The following MORN1 variants were observed in gnomAD, a reference collection of about 807,000 sequenced individuals.
The protein encoded by MORN1 is MORN repeat-containing protein 1.
A neutral mutation model predicts 61.9 loss-of-function variants in MORN1; 67 were observed. That is an observed-to-expected ratio of 1.08 (90% CI 0.89 to 1.33). The LOEUF (loss-of-function observed/expected upper bound fraction) is 1.33. Among genes scored for constraint, MORN1 ranks in the 40% most tolerant of loss-of-function variants. MORN1 has a pLI of 0.00. For missense variants in MORN1, 752 were observed against 691.2 expected, an observed-to-expected ratio of 1.09 and a Z score of -0.99; for synonymous variants, 301 against 292.0, an observed-to-expected ratio of 1.03 and a Z score of -0.31.
At chr1:2,341,032 C>T (rs533321142) in intron 10 of MORN1, among the ~76,000 whole-genome samples, 3 of 152,388 alleles carry the variant, frequency 2.0e-5, no homozygotes, top group African/African-American at 7.2e-5. Flanking sequence ...CCCGGCCCCT[C>T]TGGCCCTGGC....
chr1:2,342,867 A>T (rs369567545), intron 10 of MORN1, among the ~76,000 whole-genome samples: 116 of 101,110 alleles, frequency 1.1e-3, no homozygotes, highest in South Asian at 3.9e-3. Context: ...ATTTTATTTT[A>T]TTTATTTTAT....
In MORN1 at chr1:2,357,066, G is replaced by A. The variant is rs966648322; in HGVS notation, c.1036+366C>T. Reference sequence around the variant, plus strand: ...GAGCCATGGCCGGCGGCTGCTGTGAGGGCTCCCGGGCGGCAGGAGTGGCTG... The same window carrying A: ...GAGCCATGGCCGGCGGCTGCTGTGAAGGCTCCCGGGCGGCAGGAGTGGCTG... On this transcript the variant is annotated intron_variant, in intron 10 of 13. Coordinates refer to ENST00000378531, the MANE Select transcript of MORN1 (RefSeq NM_024848.3). This position sits in a 1 kb window ranked among gnomAD's most constrained non-coding sequence, Gnocchi z 6.3. Among the ~76,000 whole-genome samples, 2 of 152,158 alleles carry A rather than the reference G, an allele frequency of 1.3e-5. No individual in the cohort carries two copies. Among genetic ancestry groups the A allele is most frequent in the African/African-American group, 2.4e-5 (1 of 41,446 alleles).
Position 2,385,795 on chromosome 1 carries a change from A to G in MORN1, c.449+12T>C. On this transcript the variant is annotated intron_variant, in intron 5 of 13. Transcript: ENST00000378531. ...TCATGCGCCAGGCAGTACCCACAAG[A>G]CTCATACTCACTGAAAGAGCATCTG... is the stretch of plus-strand genomic sequence containing the variant. 6.2e-7 allele frequency: 1 copy of G among 1,611,652 alleles called. No homozygotes were observed. Among genetic ancestry groups the G allele is most frequent in the Non-Finnish European group, 8.5e-7 (1 of 1,178,256 alleles).
At chr1:2,368,031 A>G (rs545290429) in intron 8 of MORN1, among the ~76,000 whole-genome samples, 1 of 151,926 alleles carries the variant, frequency 6.6e-6, no homozygotes, top group Admixed American at 6.6e-5. Context: ...CAAAAAGAAA[A>G]AGAGAGAATT....
chr1:2,378,681 A>G (rs1334965444), intron 6 of MORN1: 5 of 333,208 alleles, frequency 1.5e-5, no homozygotes, highest in Non-Finnish European at 3.0e-5. Context: ...GGTAGGAGAC[A>G]CTCTGATGTG....
chr1:2,325,125 T>TCCTTTCTTCCCTCCCTC (rs1640982222), intron 12 of MORN1, among the ~76,000 whole-genome samples: 1 of 30,792 alleles, frequency 3.2e-5, no homozygotes, highest in Non-Finnish European at 5.8e-5. Context: ...TTCCTTCCCT[T>TCCTTTCTTCCCTCCCTC]CCTTCCTTCC....
chr1:2,323,217 C>T (rs942985354), intron 13 of MORN1: 56 of 985,246 alleles, frequency 5.7e-5, no homozygotes, highest in Middle Eastern at 5.2e-4. Flanking sequence ...CAGCCGCTCC[C>T]GTCACCAAGG....
intron 6 of MORN1, among the ~76,000 whole-genome samples, chr1:2,380,504 T>C (rs1642347702): frequency 6.6e-6 from 1 of 152,184 alleles, no homozygotes; most frequent in Non-Finnish European, 1.5e-5. Flanking sequence ...TGCTAAGTTT[T>C]ACGTTACATG....
At chr1:2,332,451 C>T (rs1370578683) in intron 12 of MORN1, 1 of 363,566 alleles carries the variant, frequency 2.8e-6, no homozygotes, top group Non-Finnish European at 5.5e-6. Context: ...TGGGCGACCC[C>T]TGGCCCCGGA....
At position 2,372,203 on chromosome 1, in the gene MORN1, T is replaced by C. The variant is rs1642138029; in HGVS notation, c.745+278A>G. The C allele has an allele frequency of 2.7e-6, 1 of 375,842 alleles. No homozygotes were observed. The highest frequency in any genetic ancestry group is 2.6e-5 in the South Asian group (1 of 37,846). The allele number at this position is 375,842 out of a possible 1,614,324, so 23.3% of individuals were successfully genotyped here. A position where few individuals can be genotyped will look rare whatever the true frequency, so the allele number is the denominator to read the frequency against. On this transcript the variant is annotated intron_variant, in intron 8 of 13. Coordinates refer to ENST00000378531, the MANE Select transcript of MORN1 (RefSeq NM_024848.3). This position sits in a 1 kb window ranked among gnomAD's most constrained non-coding sequence, Gnocchi z 5.4. ...CCCCACACGTATACACATTCAGACC[T>C]GTGCACACCTGTGCAAGGCATACAC...
At chr1:2,349,938 G>A (rs189148315) in intron 10 of MORN1, among the ~76,000 whole-genome samples, 82 of 152,266 alleles carry the variant, frequency 5.4e-4, no homozygotes, top group African/African-American at 1.9e-3. Flanking sequence ...TCACGGCTGC[G>A]GCCTCTCTAC....
chr1:2,335,286 T>C (rs2645068), intron 12 of MORN1, among the ~76,000 whole-genome samples: 31,682 of 152,012 alleles, frequency 0.21, 3,436 homozygotes, highest in African/African-American at 0.24. Context: ...TGGGCCTGTG[T>C]TCACTGCCTT....
At chr1:2,329,917 GTGTT>G (rs1301298769) in intron 12 of MORN1, among the ~76,000 whole-genome samples, 8 of 152,228 alleles carry the variant, frequency 5.3e-5, no homozygotes, top group African/African-American at 1.9e-4. Context: ...TGGGCTGACT[GTGTT>G]TGTGTGTTTA....
At chr1:2,382,989 G>A (rs1273418189) in intron 6 of MORN1, among the ~76,000 whole-genome samples, 1 of 152,114 alleles carries the variant, frequency 6.6e-6, no homozygotes, top group Non-Finnish European at 1.5e-5. Context: ...CCCTCCAGGG[G>A]CCCCACATCT....
chr1:2,385,196 C>T (rs1642465591), intron 5 of MORN1, 131 bp from the exon 6 acceptor site: 3 of 903,972 alleles, frequency 3.3e-6, no homozygotes, highest in African/African-American at 1.7e-5. Flanking sequence ...GAGCAGATGG[C>T]CCCAAGAGCT....
chr1:2,342,031 G>T (rs148684447), intron 10 of MORN1, among the ~76,000 whole-genome samples: 1 of 152,374 alleles, frequency 6.6e-6, no homozygotes, highest in East Asian at 1.9e-4. Flanking sequence ...CCTCCTGGCA[G>T]GCATGCCCCT....
At chr1:2,321,801 T>C (rs1037369838) in intron 13 of MORN1, among the ~76,000 whole-genome samples, 1 of 151,876 alleles carries the variant, frequency 6.6e-6, no homozygotes, top group East Asian at 1.9e-4. Context: ...ATAAACTAAT[T>C]TGGGGTAAAG....
chr1:2,378,956 T>C (rs1293104973), intron 6 of MORN1: 1 of 464,300 alleles, frequency 2.2e-6, no homozygotes, highest in African/African-American at 2.0e-5. Context: ...TGGGATCCGC[T>C]GTTCTTATTT....
intron 12 of MORN1, among the ~76,000 whole-genome samples, chr1:2,327,053 C>CACAGAAAT (rs1229156183): frequency 6.6e-6 from 1 of 152,026 alleles, no homozygotes; most frequent in East Asian, 1.9e-4. Flanking sequence ...AACACAGAGA[C>CACAGAAAT]ACAGAAATAC....
Sources: allele counts gnomAD v4.1 joint callset (sites outside exome capture counted in the v4.1 genomes callset), GRCh38; gene constraint gnomAD v4.1.1; non-coding constraint Gnocchi (gnomAD v3.1); transcripts MANE v1.5; gene names NCBI Gene and HGNC (gene_info 2026-07-23, HGNC 2026-07-21).